Variants in SMAD6 observed in about 807,000 individuals in gnomAD.
The protein encoded by SMAD6 is MAD homolog 6.
SMAD6 carries 103 observed loss-of-function variants against 39.4 expected under a neutral mutation model. That is an observed-to-expected ratio of 2.62 (90% CI 2.23 to 3.08). The LOEUF is 3.08. SMAD6 is among the 30% of genes most tolerant of loss of function. The probability of loss-of-function intolerance (pLI) is 0.00; values close to 1 mark genes in which losing one functional copy is unlikely to be tolerated. For synonymous variants in SMAD6, 445 were observed against 353.3 expected, an observed-to-expected ratio of 1.26 and a Z score of -2.91; for missense variants, 1,104 against 742.9, an observed-to-expected ratio of 1.49 and a Z score of -5.65.
At chr15:66,755,231 C>G (rs1038193171) in intron 3 of SMAD6, among the ~76,000 whole-genome samples, 2 of 152,208 alleles carry the variant, frequency 1.3e-5, no homozygotes, top group African/African-American at 4.8e-5. Context: ...GTTGAAGAAT[C>G]ACCACCAGTT....
chr15:66,705,068 G>A (rs755150698), intron 1 of SMAD6: 1 of 152,396 alleles, frequency 6.6e-6, no homozygotes, highest in Admixed American at 6.5e-5. Context: ...GGTTTTGCAG[G>A]GGTGGGACTG....
At chr15:66,710,978 C>G (rs759680199) in intron 1 of SMAD6, among the ~76,000 whole-genome samples, 3 of 152,174 alleles carry the variant, frequency 2.0e-5, no homozygotes, top group Admixed American at 2.0e-4. Flanking sequence ...CTCCCCTGCA[C>G]CTAGGAATGC....
intron 3 of SMAD6, among the ~76,000 whole-genome samples, chr15:66,758,214 A>G (rs1436260305): frequency 6.6e-6 from 1 of 152,234 alleles, no homozygotes; most frequent in Non-Finnish European, 1.5e-5. Context: ...TGATTAAGCA[A>G]GAAATATAGT....
chr15:66,753,716 T>C (rs573532546), intron 3 of SMAD6, among the ~76,000 whole-genome samples: 4 of 152,342 alleles, frequency 2.6e-5, no homozygotes, highest in South Asian at 2.1e-4. Flanking sequence ...AAGATCCTCA[T>C]TGAACTTGAA....
intron 3 of SMAD6, among the ~76,000 whole-genome samples, chr15:66,734,230 G>A (rs1335369780): frequency 2.0e-5 from 3 of 152,224 alleles, no homozygotes; most frequent in East Asian, 1.9e-4. Context: ...TTGGAAATTC[G>A]GGTTTTGGCT....
intron 3 of SMAD6, among the ~76,000 whole-genome samples, chr15:66,745,334 C>T (rs1489024161): frequency 6.6e-6 from 1 of 151,998 alleles, no homozygotes; most frequent in Non-Finnish European, 1.5e-5. Flanking sequence ...TTTCACAGCA[C>T]CCCCACCCCA....
At chr15:66,739,443 C>T (rs548997046) in intron 3 of SMAD6, among the ~76,000 whole-genome samples, 5 of 152,240 alleles carry the variant, frequency 3.3e-5, no homozygotes, top group Admixed American at 6.5e-5. Context: ...ACATGGAGCA[C>T]GGGTGGGCAG....
chr15:66,763,796 G>A (rs990774754), intron 3 of SMAD6, among the ~76,000 whole-genome samples: 1 of 152,232 alleles, frequency 6.6e-6, no homozygotes, highest in African/African-American at 2.4e-5. Flanking sequence ...ACACAGGGGT[G>A]GGGCCCCACC....
At chr15:66,717,045 G>A in intron 3 of SMAD6, 1 of 1,289,448 alleles carries the variant, frequency 7.8e-7, no homozygotes, top group Non-Finnish European at 1.0e-6. Context: ...GGGAACCGTG[G>A]TTTGGAGTCC....
chr15:66,706,650 G>C (rs1893117608), intron 1 of SMAD6: 1 of 152,394 alleles, frequency 6.6e-6, no homozygotes, highest in East Asian at 1.9e-4. Context: ...GCACCGGGCA[G>C]ACAGATGCGC....
chr15:66,741,890 A>T (rs1186162524), intron 3 of SMAD6, among the ~76,000 whole-genome samples: 1 of 152,268 alleles, frequency 6.6e-6, no homozygotes, highest in South Asian at 2.1e-4. Context: ...TACAGAGGCT[A>T]CTGAGGCTGC....
Position 66,703,520 on chromosome 15 carries a change from G to C in SMAD6, c.262G>C (p.Gly88Arg). Residue 88 changes from glycine to arginine, a missense_variant, in exon 1 of 4, where the codon GGC becomes CGC. Transcript: ENST00000288840. ...QGAGRRRRAG[G>R]PPRPMSEPGA... is the part of the protein sequence containing the mutation. ...CGCGGGGAGGCGCCGGCGCGCAGGG[G>C]GCCCCCCGAGGCCCATGTCGGAGCC... 1 of 1,221,366 alleles carries C rather than the reference G, an allele frequency of 8.2e-7. No homozygotes were observed. Among genetic ancestry groups the C allele is most frequent in the Non-Finnish European group, 1.0e-6 (1 of 978,856 alleles). 75.7% of individuals were successfully genotyped at this position (1,221,366 alleles called of 1,614,324 possible). A position where few individuals can be genotyped will look rare whatever the true frequency, so the allele number is the denominator to read the frequency against.
intron 3 of SMAD6, among the ~76,000 whole-genome samples, chr15:66,744,258 G>A (rs1394839629): frequency 6.6e-6 from 1 of 152,224 alleles, no homozygotes; most frequent in Non-Finnish European, 1.5e-5. Flanking sequence ...CAGAGGAAGG[G>A]AGGCATTTGG....
chr15:66,782,386 C>T lies in SMAD6; in HGVS notation c.*851C>T, dbSNP rs1894594294. The stretch of plus-strand genomic sequence containing the variant: ...TTTCTCACCATTTTGTGGAAATGGC[C>T]TGGGGAACAAAGACTGAAATGGGCC... On this transcript the variant is annotated 3_prime_UTR_variant, in exon 4 of 4. Transcript: ENST00000288840. The T allele has an allele frequency of 6.5e-6, 1 of 152,776 alleles. No homozygotes were observed. The highest frequency in any genetic ancestry group is 1.5e-5 in the Non-Finnish European group (1 of 68,482). 9.5% of individuals were successfully genotyped at this position (152,776 alleles called of 1,614,324 possible).
chr15:66,760,015 C>T (rs1290984940), intron 3 of SMAD6, among the ~76,000 whole-genome samples: 2 of 152,204 alleles, frequency 1.3e-5, no homozygotes, highest in Non-Finnish European at 2.9e-5. Flanking sequence ...TCAAACGAGA[C>T]CTTTCTGGCC....
At chr15:66,724,757 T>C (rs943665982) in intron 3 of SMAD6, among the ~76,000 whole-genome samples, 10 of 151,824 alleles carry the variant, frequency 6.6e-5, no homozygotes, top group African/African-American at 2.4e-4. Context: ...GCTCTGCTCA[T>C]TGGGTGGTTG....
At chr15:66,757,483 G>T (rs1894121975) in intron 3 of SMAD6, among the ~76,000 whole-genome samples, 2 of 152,198 alleles carry the variant, frequency 1.3e-5, no homozygotes, top group African/African-American at 4.8e-5. Flanking sequence ...AGATGGTGTG[G>T]GGCTGGCTGG....
rs56224826 is a variant in SMAD6, at chr15:66,715,049, T to TA, written c.875-1369dup. Among the ~76,000 whole-genome samples the TA allele has an allele frequency of 3.5e-4, 48 of 136,852 alleles. 1 individual carries two copies. The highest frequency in any genetic ancestry group is 2.8e-4 in the Non-Finnish European group (18 of 64,162). 89.8% of individuals were successfully genotyped at this position (136,852 alleles called of 152,430 possible). On this transcript the variant is annotated intron_variant, in intron 2 of 3. Coordinates refer to ENST00000288840, the MANE Select transcript of SMAD6 (RefSeq NM_005585.5). ...ACTGAGCTTTTTTTTTTTTTTTTTT[T>TA]AAAGATTTTTCTGTGTGTACTTATT...
At chr15:66,717,899 G>A (rs2469122) in intron 3 of SMAD6, among the ~76,000 whole-genome samples, 79,335 of 151,522 alleles carry the variant, frequency 0.52, 21,000 homozygotes, top group East Asian at 0.66. Context: ...CCAGATGAAC[G>A]CAAGTTAAAA....
Sources: gnomAD v4.1 joint callset for allele counts (sites outside exome capture counted in the v4.1 genomes callset) on GRCh38, gnomAD v4.1.1 for gene constraint, MANE v1.5 for transcripts, NCBI Gene and HGNC (gene_info 2026-07-23, HGNC 2026-07-21) for gene names.